TPX2: variants seen among roughly 807,000 people sequenced by gnomAD.
TPX2 encodes the protein targeting protein for Xklp2.
TPX2 carries 21 observed loss-of-function variants against 93.6 expected under a neutral mutation model. The ratio of observed to expected loss-of-function variants is 0.22; its 90% CI spans 0.16 to 0.32. The LOEUF is 0.32. Among genes scored for constraint, TPX2 ranks in the 10% least tolerant of loss-of-function variants. The pLI is 1.00. For synonymous variants in TPX2, 281 were observed against 298.3 expected, an observed-to-expected ratio of 0.94 and a Z score of 0.60; for missense variants, 776 against 871.1, an observed-to-expected ratio of 0.89 and a Z score of 1.37.
intron 4 of TPX2, among the ~76,000 whole-genome samples, chr20:31,764,038 C>CAT (rs1439646830): frequency 2.6e-5 from 4 of 151,610 alleles, no homozygotes; most frequent in Admixed American, 1.3e-4. Context: ...AAATTATATA[C>CAT]ATATATATAC....
At chr20:31,780,751 A>G (rs552046824) in intron 10 of TPX2, among the ~76,000 whole-genome samples, 11 of 152,152 alleles carry the variant, frequency 7.2e-5, no homozygotes, top group Non-Finnish European at 1.6e-4. Context: ...GTAAATTAAT[A>G]TTTTCAATGA....
rs559246098 is a variant in TPX2 at position 31,794,309 on chromosome 20, T to G, written c.1687-93T>G. 3,886 of 1,495,564 alleles carry G rather than the reference T, an allele frequency of 2.6e-3. 13 individuals are homozygous for G. The highest frequency in any genetic ancestry group is 3.2e-3 in the Non-Finnish European group (3,594 of 1,112,290). The allele number at this position is 1,495,564 out of a possible 1,614,324, so 92.6% of individuals were successfully genotyped here. On this transcript the variant is annotated intron_variant, in intron 14 of 17. Transcript: ENST00000300403. ...TTTCATGCTGCTTTGAAAGGTTTCC[T>G]TCCTTATTTTTCAGATTCTTCCAGA... is the stretch of plus-strand genomic sequence containing the variant.
chr20:31,767,865 A>G (rs1157637182), intron 5 of TPX2, among the ~76,000 whole-genome samples: 1 of 151,886 alleles, frequency 6.6e-6, no homozygotes, highest in Non-Finnish European at 1.5e-5. Context: ...AGTAGAGTTT[A>G]TAATCAGAGT....
At chr20:31,774,633 T>C (rs1444155174) in intron 7 of TPX2, among the ~76,000 whole-genome samples, 1 of 152,222 alleles carries the variant, frequency 6.6e-6, no homozygotes, top group Non-Finnish European at 1.5e-5. Context: ...AATAGTTTTC[T>C]CAAGATCATT....
chr20:31,771,008 G>A (rs958090610), intron 6 of TPX2, among the ~76,000 whole-genome samples: 7 of 151,654 alleles, frequency 4.6e-5, no homozygotes, highest in Admixed American at 4.6e-4. Context: ...GTATCTCTAG[G>A]TGTTATATTT....
rs545329575 is a variant in TPX2 at position 31,760,455 on chromosome 20, T to C, written c.229+276T>C. ...CTGGTGGAGTACAGTGGCACAGTCATAGCTCACTGCAGCCTCAAACTCCTG... is the reference window on the plus strand; with the variant it reads ...CTGGTGGAGTACAGTGGCACAGTCACAGCTCACTGCAGCCTCAAACTCCTG... On this transcript the variant is annotated intron_variant, in intron 4 of 17. Coordinates refer to ENST00000300403, the MANE Select transcript of TPX2 (RefSeq NM_012112.5). Among the ~76,000 whole-genome samples, 3 of 151,950 alleles carry C rather than the reference T, an allele frequency of 2.0e-5. No individual in the cohort carries two copies. The South Asian group carries it at 6.3e-4, about 32-fold the overall frequency.
intron 12 of TPX2, among the ~76,000 whole-genome samples, chr20:31,788,758 G>C (rs2062082685): frequency 6.6e-6 from 1 of 152,198 alleles, no homozygotes; most frequent in South Asian, 2.1e-4. Context: ...TGTGAACTTG[G>C]TGCTGACCTC....
chr20:31,743,377 G>A (rs1406877390), intron 2 of TPX2, among the ~76,000 whole-genome samples: 4 of 152,028 alleles, frequency 2.6e-5, no homozygotes, highest in Non-Finnish European at 5.9e-5. Context: ...GTATTGTTTA[G>A]GGAATAATGA....
intron 12 of TPX2, among the ~76,000 whole-genome samples, chr20:31,788,461 G>A (rs2062081105): frequency 6.6e-6 from 1 of 151,150 alleles, no homozygotes; most frequent in African/African-American, 2.4e-5. Flanking sequence ...TCTAGTGTTG[G>A]ACTTTTACAG....
Position 31,745,307 on chromosome 20 carries a change from C to T in TPX2, c.-71+2660C>T, listed in dbSNP as rs549043495. Among the ~76,000 whole-genome samples the T allele has an allele frequency of 1.6e-4, 24 of 150,644 alleles. No individual in the cohort carries two copies. The South Asian group carries it at 4.8e-3, about 30-fold the overall frequency. ...CCTCCAGCCTTGTTACTTCTTCACT[C>T]TCACCATCCATAGGTAAACACTTTT... On this transcript the variant is annotated intron_variant, in intron 2 of 17. Coordinates refer to ENST00000300403, the MANE Select transcript of TPX2 (RefSeq NM_012112.5).
At chr20:31,749,240 C>G (rs1193935694) in intron 2 of TPX2, among the ~76,000 whole-genome samples, 1 of 152,144 alleles carries the variant, frequency 6.6e-6, no homozygotes, top group Non-Finnish European at 1.5e-5. Flanking sequence ...GCCACCGCGC[C>G]CAGCTTAAAT....
chr20:31,767,966 C>G (rs532460192), intron 5 of TPX2, among the ~76,000 whole-genome samples: 1 of 150,274 alleles, frequency 6.7e-6, no homozygotes, highest in Admixed American at 6.6e-5. Context: ...GGGTCTTGCT[C>G]TGTTGCCCAG....
chr20:31,776,277 T>TC (rs1322996683), intron 8 of TPX2, among the ~76,000 whole-genome samples: 1 of 151,224 alleles, frequency 6.6e-6, no homozygotes, highest in African/African-American at 2.4e-5. Flanking sequence ...AGACGGGGTT[T>TC]CACCTTGTTA....
At chr20:31,771,339 A>G (rs1414995890) in intron 6 of TPX2, among the ~76,000 whole-genome samples, 1 of 152,170 alleles carries the variant, frequency 6.6e-6, no homozygotes, top group African/African-American at 2.4e-5. Flanking sequence ...CCACCACTAG[A>G]TAACTCTTAT....
Position 31,762,537 on chromosome 20 carries a change from A to G in TPX2, c.229+2358A>G, listed in dbSNP as rs2061896376. 2.6e-5 allele frequency among the ~76,000 whole-genome samples: 4 copies of G among 152,006 alleles called. No homozygotes were observed. In the South Asian group the frequency reaches 8.3e-4, roughly 32 times the overall value. ...GCTAATTTTTGTATTTTTAGTAGAGATGGGGTTTCGTGATGTCGGTCAGGC... is the reference window on the plus strand; with the variant it reads ...GCTAATTTTTGTATTTTTAGTAGAGGTGGGGTTTCGTGATGTCGGTCAGGC... On this transcript the variant is annotated intron_variant, in intron 4 of 17. Transcript: ENST00000300403.
chr20:31,758,799 T>C (rs2061868400), intron 3 of TPX2, among the ~76,000 whole-genome samples: 1 of 152,186 alleles, frequency 6.6e-6, no homozygotes, highest in South Asian at 2.1e-4. Context: ...AAGGGCCAGC[T>C]GTCCTGCGGG....
chr20:31,786,402 T>TTTTTTTGTTTTTG (rs1555787864), intron 12 of TPX2, among the ~76,000 whole-genome samples: 2 of 111,506 alleles, frequency 1.8e-5, no homozygotes, highest in African/African-American at 8.7e-5. Context: ...GAACTACTGT[T>TTTTTTTGTTTTTG]TTTTTTTTTT....
chr20:31,785,287 A>G lies in TPX2; in HGVS notation c.1413+1366A>G, dbSNP rs538656570. On this transcript the variant is annotated intron_variant, in intron 12 of 17. Transcript: ENST00000300403. ...TCCCCCACCCAAGTGATTAATCTCC[A>G]AGGGCTGTGCCTTCTTTGTCTTTAC... Among the ~76,000 whole-genome samples, 3 of 152,280 alleles carry G rather than the reference A, an allele frequency of 2.0e-5. No homozygotes were observed. In the East Asian group the frequency reaches 5.8e-4, roughly 29 times the overall value.
intron 10 of TPX2, among the ~76,000 whole-genome samples, chr20:31,781,951 AAGTC>A (rs774787437): frequency 1.0e-3 from 159 of 152,256 alleles, no homozygotes; most frequent in Non-Finnish European, 1.9e-3. Context: ...AAAAAAAAGA[AAGTC>A]AGTCTAGGCC....
Sources: gnomAD v4.1 joint callset for allele counts (sites outside exome capture counted in the v4.1 genomes callset) on GRCh38, gnomAD v4.1.1 for gene constraint, MANE v1.5 for transcripts, NCBI Gene and HGNC (gene_info 2026-07-23, HGNC 2026-07-21) for gene names.